Variants in MARCHF1 observed in about 807,000 individuals in gnomAD.
The protein encoded by MARCHF1 is E3 ubiquitin-protein ligase MARCHF1.
In MARCHF1, 40 loss-of-function variants were observed where a neutral mutation model predicts 54.2. The ratio of observed to expected loss-of-function variants is 0.74; its 90% CI spans 0.57 to 0.96. MARCHF1 has a LOEUF of 0.96. Among genes scored for constraint, MARCHF1 ranks in the 40% least tolerant of loss-of-function variants. The pLI, the probability that MARCHF1 is intolerant of heterozygous loss-of-function variation, is 0.00. For synonymous variants in MARCHF1, 236 were observed against 236.3 expected (o/e 1.00, Z 0.01); for missense variants, 586 against 656.5 (o/e 0.89, Z 1.17).
At chr4:164,303,506 A>G (rs1230240530) in intron 1 of MARCHF1, among the ~76,000 whole-genome samples, 1 of 152,214 alleles carries the variant, frequency 6.6e-6, no homozygotes, top group African/African-American at 2.4e-5. Flanking sequence ...ATCCTTTCAC[A>G]GGATTAAATA....
chr4:163,965,283 T>C (rs1752420476), intron 3 of MARCHF1, among the ~76,000 whole-genome samples: 1 of 151,962 alleles, frequency 6.6e-6, no homozygotes, highest in Non-Finnish European at 1.5e-5. Context: ...TTGTTAGGGA[T>C]TGAGACATCA....
intron 4 of MARCHF1, among the ~76,000 whole-genome samples, chr4:163,776,340 C>A (rs892064601): frequency 6.6e-6 from 1 of 151,422 alleles, no homozygotes; most frequent in African/African-American, 2.4e-5. Context: ...GTCTCTCTCT[C>A]TGTCTCTGTC....
intron 4 of MARCHF1, among the ~76,000 whole-genome samples, chr4:163,831,273 G>C (rs1186746879): frequency 6.6e-6 from 1 of 152,144 alleles, no homozygotes; most frequent in African/African-American, 2.4e-5. Flanking sequence ...AGAATTGCCA[G>C]GTTAGAACCA....
At chr4:164,094,703 A>G (rs1313203161) in intron 2 of MARCHF1, among the ~76,000 whole-genome samples, 3 of 152,186 alleles carry the variant, frequency 2.0e-5, no homozygotes, top group East Asian at 1.9e-4. Context: ...AGCAAACTTC[A>G]GGAAAATTGA....
At chr4:164,202,555 A>G (rs558797082) in intron 1 of MARCHF1, among the ~76,000 whole-genome samples, 32 of 152,302 alleles carry the variant, frequency 2.1e-4, no homozygotes, top group Non-Finnish European at 3.4e-4. Context: ...AGATTTTGTT[A>G]TTATCCCCAT....
intron 7 of MARCHF1, among the ~76,000 whole-genome samples, chr4:163,586,546 G>A (rs1359433298): frequency 6.6e-6 from 1 of 152,076 alleles, no homozygotes; most frequent in Non-Finnish European, 1.5e-5. Context: ...GGTCATTGCT[G>A]GACTCAAATC....
intron 1 of MARCHF1, among the ~76,000 whole-genome samples, chr4:164,224,493 T>A (rs1401381541): frequency 6.6e-6 from 1 of 151,968 alleles, no homozygotes. Context: ...CTTTCATCCA[T>A]CTACCTACAT....
chr4:163,553,679 G>A (rs1028648872), intron 8 of MARCHF1, among the ~76,000 whole-genome samples: 1 of 152,148 alleles, frequency 6.6e-6, no homozygotes, highest in Non-Finnish European at 1.5e-5. Context: ...ATTCAAAATG[G>A]TATCTTAAGG....
chr4:164,268,663 C>T (rs554005125), intron 1 of MARCHF1, among the ~76,000 whole-genome samples: 2 of 152,200 alleles, frequency 1.3e-5, no homozygotes, highest in East Asian at 3.9e-4. Flanking sequence ...TAATATTAAA[C>T]CTTTATCATT....
chr4:164,364,105 G>A (rs1730806055), intron 1 of MARCHF1, among the ~76,000 whole-genome samples: 1 of 152,024 alleles, frequency 6.6e-6, no homozygotes, highest in Admixed American at 6.6e-5. Flanking sequence ...GAAGGGAAGG[G>A]AGAGACCAGA....
intron 8 of MARCHF1, among the ~76,000 whole-genome samples, chr4:163,561,408 T>G (rs956844292): frequency 2.0e-5 from 3 of 152,210 alleles, no homozygotes; most frequent in Non-Finnish European, 4.4e-5. Flanking sequence ...CATCTGTGAT[T>G]ATTTCATTAA....
intron 4 of MARCHF1, among the ~76,000 whole-genome samples, chr4:163,762,779 C>T (rs1321070390): frequency 6.6e-6 from 1 of 151,988 alleles, no homozygotes; most frequent in Non-Finnish European, 1.5e-5. Context: ...AAGTTTCTTA[C>T]TATATACTTC....
In MARCHF1 at chr4:164,174,449, A is replaced by G. The variant is rs571982891; in HGVS notation, c.-322-62787T>C. 2.0e-5 allele frequency among the ~76,000 whole-genome samples: 3 copies of G among 152,320 alleles called. No homozygotes were observed. The East Asian group carries it at 5.8e-4, about 29-fold the overall frequency. On this transcript the variant is annotated intron_variant, in intron 1 of 9. Transcript: ENST00000514618. ...CGCACCAGATGTGTCATTCGGCATT[A>G]GAAATATGACTGTGATGTTGCTCAG...
chr4:164,300,189 T>C (rs149572678), intron 1 of MARCHF1, among the ~76,000 whole-genome samples: 1 of 152,092 alleles, frequency 6.6e-6, no homozygotes, highest in Non-Finnish European at 1.5e-5. Context: ...AGAACATCAT[T>C]ATCATCATTA....
intron 1 of MARCHF1, among the ~76,000 whole-genome samples, chr4:164,251,997 C>T (rs775994896): frequency 6.1e-4 from 92 of 151,964 alleles, no homozygotes; most frequent in South Asian, 2.3e-3. Flanking sequence ...AAAATAAAGG[C>T]TAAGGGAGAA....
At chr4:163,761,272 T>C (rs1469837715) in intron 4 of MARCHF1, among the ~76,000 whole-genome samples, 2 of 152,218 alleles carry the variant, frequency 1.3e-5, no homozygotes, top group East Asian at 3.8e-4. Flanking sequence ...TCTGTTGTCT[T>C]TCTTCAAGCT....
intron 4 of MARCHF1, among the ~76,000 whole-genome samples, chr4:163,780,959 C>T (rs928736920): frequency 6.6e-6 from 1 of 152,232 alleles, no homozygotes; most frequent in African/African-American, 2.4e-5. Flanking sequence ...AATTTTCCAT[C>T]AGAGCCCGTT....
At chr4:163,871,782 T>C (rs573693507) in intron 3 of MARCHF1, among the ~76,000 whole-genome samples, 1 of 152,308 alleles carries the variant, frequency 6.6e-6, no homozygotes, top group Admixed American at 6.5e-5. Context: ...TAGGCAATTA[T>C]GAAGATTAAA....
At chr4:163,912,315 C>T (rs1239878264) in intron 3 of MARCHF1, among the ~76,000 whole-genome samples, 1 of 152,000 alleles carries the variant, frequency 6.6e-6, no homozygotes, top group Non-Finnish European at 1.5e-5. Flanking sequence ...TAGATACTGG[C>T]AGACAAGGAG....
Sources: gnomAD v4.1 joint callset for allele counts (sites outside exome capture counted in the v4.1 genomes callset) on GRCh38, gnomAD v4.1.1 for gene constraint, MANE v1.5 for transcripts, NCBI Gene and HGNC (gene_info 2026-07-23, HGNC 2026-07-21) for gene names.